The following URGCP variants were observed in gnomAD, a reference collection of about 807,000 sequenced individuals.
URGCP encodes the protein up-regulator of cell proliferation.
In URGCP, 13 loss-of-function variants were observed where a neutral mutation model predicts 24.6. The ratio of observed to expected loss-of-function variants is 0.53; its 90% CI spans 0.34 to 0.84. URGCP has a LOEUF of 0.84. Among genes scored for constraint, URGCP ranks in the 40% least tolerant of loss-of-function variants. The pLI is 0.01. For missense variants in URGCP, 899 were observed against 1,194.3 expected (o/e 0.75, Z 3.64); for synonymous variants, 444 against 487.2 (o/e 0.91, Z 1.17).
intron 1 of URGCP, among the ~76,000 whole-genome samples, chr7:43,915,251 T>C (rs2095914244): frequency 2.0e-5 from 3 of 152,334 alleles, no homozygotes; most frequent in Middle Eastern, 3.4e-3. Context: ...CAAAAAATCC[T>C]GCATCATTTT....
intron 3 of URGCP, among the ~76,000 whole-genome samples, chr7:43,886,485 G>A (rs2095862363): frequency 6.6e-6 from 1 of 151,870 alleles, no homozygotes; most frequent in South Asian, 2.1e-4. Flanking sequence ...GGGCACGGTG[G>A]CTCACGCCTG....
intron 1 of URGCP, among the ~76,000 whole-genome samples, chr7:43,912,452 T>C (rs2095911019): frequency 6.6e-6 from 1 of 152,186 alleles, no homozygotes; most frequent in East Asian, 1.9e-4. Flanking sequence ...TGAGCTGAGA[T>C]TGCACCACTG....
At chr7:43,897,687 G>T (rs2095881327) in intron 1 of URGCP, among the ~76,000 whole-genome samples, 1 of 152,150 alleles carries the variant, frequency 6.6e-6, no homozygotes, top group South Asian at 2.1e-4. Context: ...AGGGTGACAG[G>T]CCTGTCTATG....
chr7:43,887,570 G>A (rs958384390), intron 2 of URGCP, 85 bp from the exon 3 acceptor site: 12 of 1,536,940 alleles, frequency 7.8e-6, no homozygotes, highest in African/African-American at 1.4e-5. Flanking sequence ...AAAATCTCTT[G>A]GAGAGCTTTT....
At chr7:43,914,377 T>C (rs2095913356) in intron 1 of URGCP, among the ~76,000 whole-genome samples, 1 of 152,126 alleles carries the variant, frequency 6.6e-6, no homozygotes, top group African/African-American at 2.4e-5. Context: ...TGCTAATGCA[T>C]GTCTGTAGTC....
At chr7:43,916,776 G>A (rs2095916099) in intron 1 of URGCP, among the ~76,000 whole-genome samples, 1 of 130,184 alleles carries the variant, frequency 7.7e-6, no homozygotes, top group Non-Finnish European at 1.5e-5. Flanking sequence ...TCCTGTCATG[G>A]TTGCCGGGAC....
At chr7:43,924,860 C>G (rs2095926941) in intron 1 of URGCP, among the ~76,000 whole-genome samples, 1 of 152,094 alleles carries the variant, frequency 6.6e-6, no homozygotes, top group Admixed American at 6.6e-5. Context: ...CAACTTTGAT[C>G]TCCTGGGCTC....
chr7:43,910,427 C>T (rs919260485), upstream of URGCP, among the ~76,000 whole-genome samples: 6 of 137,886 alleles, frequency 4.4e-5, no homozygotes, highest in Admixed American at 3.0e-4. Context: ...ACAGGATTTC[C>T]CCATGTTGTC....
At chr7:43,903,808 G>A (rs984596758) in intron 1 of URGCP, among the ~76,000 whole-genome samples, 2 of 152,168 alleles carry the variant, frequency 1.3e-5, no homozygotes, top group African/African-American at 4.8e-5. Context: ...CTCTGATTCA[G>A]ACAACAGTTA....
At chr7:43,919,768 A>G in intron 1 of URGCP, 1 of 1,356,228 alleles carries the variant, frequency 7.4e-7, no homozygotes, top group East Asian at 2.3e-5. Flanking sequence ...ACCAGCATCC[A>G]GGTGGCCCTG....
Position 43,878,224 on chromosome 7 carries a change from T to C in URGCP, c.1239A>G (p.Ser413=), listed in dbSNP as rs2132647043. The stretch of plus-strand genomic sequence containing the variant: ...TGCTGCTGACCTTTACCAGGACATG[T>C]GAGTGGTCTATTTTCAGCACAGGAA... ...KLIPVLKIDH[S]HVLVKVSSTD... Residue 413 remains serine, a synonymous_variant, in exon 6 of 6, where the codon TCA becomes TCG. Transcript: ENST00000453200. This position sits in a 1 kb window ranked among gnomAD's most constrained non-coding sequence, Gnocchi z 5.6. The C allele has an allele frequency of 1.9e-6, 3 of 1,614,194 alleles. No homozygotes were observed. Among genetic ancestry groups the C allele is most frequent in the Non-Finnish European group, 2.5e-6 (3 of 1,180,048 alleles).
chr7:43,920,049 A>G (rs986819473), intron 1 of URGCP: 4 of 1,306,514 alleles, frequency 3.1e-6, no homozygotes, highest in Non-Finnish European at 4.4e-6. Flanking sequence ...TGGGGCACCC[A>G]GGAGCAGTGA....
At chr7:43,926,695 C>A, upstream of URGCP, 1 of 914,720 alleles carries the variant, frequency 1.1e-6, no homozygotes, top group Non-Finnish European at 1.5e-6. Context: ...GCAGAACAGC[C>A]TCCCGCGCAG....
chr7:43,880,898 G>T (rs2095852762), intron 5 of URGCP, among the ~76,000 whole-genome samples: 1 of 152,206 alleles, frequency 6.6e-6, no homozygotes, highest in African/African-American at 2.4e-5. Flanking sequence ...TTCCCAAGAA[G>T]GTCAAGTGAT....
rs768644545 is a variant in URGCP at position 43,878,515 on chromosome 7, C to A, written c.948G>T (p.Trp316Cys). Residue 316 changes from tryptophan to cysteine, a missense_variant, in exon 6 of 6, where the codon TGG becomes TGT. Coordinates refer to ENST00000453200, the MANE Select transcript of URGCP (RefSeq NM_001077663.3). This position sits in a 1 kb window ranked among gnomAD's most constrained non-coding sequence, Gnocchi z 5.6. Reference sequence around the variant, plus strand: ...AGTCCTCCCTTCCGCTGGGAAAAAACCAGGAAATTTCTACCAACCCATCCG... The same window carrying A: ...AGTCCTCCCTTCCGCTGGGAAAAAAACAGGAAATTTCTACCAACCCATCCG... ...EISDGLVEIS[W>C]FFPSGREDLD... The A allele has an allele frequency of 1.4e-5, 23 of 1,614,230 alleles. No individual in the cohort carries two copies. The highest frequency in any genetic ancestry group is 1.9e-5 in the Non-Finnish European group (22 of 1,180,040).
chr7:43,883,194 C>T (rs1224233370), intron 3 of URGCP, among the ~76,000 whole-genome samples: 4 of 151,502 alleles, frequency 2.6e-5, no homozygotes, highest in Non-Finnish European at 4.4e-5. Context: ...TGCTTGCAAG[C>T]ACACAATATA....
At chr7:43,914,986 C>T (rs1383022684) in intron 1 of URGCP, among the ~76,000 whole-genome samples, 8 of 152,268 alleles carry the variant, frequency 5.3e-5, no homozygotes, top group South Asian at 2.1e-4. Flanking sequence ...GGCCCGCATG[C>T]GCACTGAAGA....
intron 3 of URGCP, among the ~76,000 whole-genome samples, chr7:43,887,194 TA>T (rs1319028316): frequency 6.6e-6 from 1 of 151,838 alleles, no homozygotes; most frequent in East Asian, 1.9e-4. Context: ...GTGTTGCCCA[TA>T]AAAAAAACAA....
chr7:43,921,313 G>A (rs1222102227), intron 1 of URGCP, among the ~76,000 whole-genome samples: 5 of 148,192 alleles, frequency 3.4e-5, no homozygotes, highest in East Asian at 2.0e-4. Flanking sequence ...GCGAAATAGC[G>A]AGACTCCGTC....
Sources: allele counts gnomAD v4.1 joint callset (sites outside exome capture counted in the v4.1 genomes callset), GRCh38; gene constraint gnomAD v4.1.1; non-coding constraint Gnocchi (gnomAD v3.1); transcripts MANE v1.5; gene names NCBI Gene and HGNC (gene_info 2026-07-23, HGNC 2026-07-21).